DDRGK1: variants seen among roughly 807,000 people sequenced by gnomAD.
The protein encoded by DDRGK1 is DDRGK domain-containing protein 1.
Under a neutral mutation model 45.8 loss-of-function variants are expected in DDRGK1, and 38 were observed. The observed-to-expected ratio is 0.83, with a 90% CI of 0.64 to 1.09. The LOEUF is 1.09. DDRGK1 is among the 50% of genes least tolerant of loss of function. DDRGK1 has a pLI of 0.00. For synonymous variants in DDRGK1, 171 were observed against 168.7 expected (o/e 1.01, Z -0.11); for missense variants, 403 against 419.9 (o/e 0.96, Z 0.35).
chr20:3,199,821 T>C (rs573399422), intron 4 of DDRGK1, among the ~76,000 whole-genome samples, 180 bp downstream of exon 4: 4 of 152,326 alleles, frequency 2.6e-5, no homozygotes, highest in East Asian at 1.9e-4. Flanking sequence ...CTCCAGGCTC[T>C]GCTTTTCAGC....
chr20:3,201,105 G>A (rs34057184), intron 2 of DDRGK1, among the ~76,000 whole-genome samples: 4,866 of 150,334 alleles, frequency 0.032, 125 homozygotes, highest in East Asian at 0.12. Flanking sequence ...GTGAGACACT[G>A]TCTCAGGGGA....
At chr20:3,193,970 G>A (rs1945433614) in intron 6 of DDRGK1, among the ~76,000 whole-genome samples, 1 of 152,172 alleles carries the variant, frequency 6.6e-6, no homozygotes, top group Admixed American at 6.5e-5. Context: ...TGCCAGGGTA[G>A]AGAGAGGGCT....
intron 4 of DDRGK1, among the ~76,000 whole-genome samples, chr20:3,196,937 G>A (rs1293698756): frequency 2.0e-5 from 3 of 151,382 alleles, no homozygotes; most frequent in Admixed American, 2.0e-4. Context: ...TAAAAAAAAT[G>A]GCTGGTCGGG....
Position 3,191,385 on chromosome 20 carries a change from C to A in DDRGK1, c.730-147G>T, listed in dbSNP as rs556058240. ...ACTCTGTGCTTTGCCTTTGGAAGGGCCCTGGGTAGAAGGGGCTCTGGTCCT... is the reference window on the plus strand; with the variant it reads ...ACTCTGTGCTTTGCCTTTGGAAGGGACCTGGGTAGAAGGGGCTCTGGTCCT... On this transcript the variant is annotated intron_variant, in intron 7 of 8. Transcript: ENST00000354488. 10 of 896,932 alleles carry A rather than the reference C, an allele frequency of 1.1e-5. No individual in the cohort carries two copies. The East Asian group carries it at 2.1e-4, about 19-fold the overall frequency. The allele number at this position is 896,932 out of a possible 1,614,324, so 55.6% of individuals were successfully genotyped here. A position where few individuals can be genotyped will look rare whatever the true frequency, so the allele number is the denominator to read the frequency against.
rs374943300 is a variant in DDRGK1, at chr20:3,191,499, G to T, written c.730-261C>A. 1.2e-5 allele frequency: 8 copies of T among 683,418 alleles called. No individual in the cohort carries two copies. The East Asian group carries it at 1.9e-4, about 16-fold the overall frequency. 42.3% of individuals were successfully genotyped at this position (683,418 alleles called of 1,614,324 possible). A position where few individuals can be genotyped will look rare whatever the true frequency, so the allele number is the denominator to read the frequency against. On this transcript the variant is annotated intron_variant, in intron 7 of 8. Transcript: ENST00000354488. ...ACACAGGCTGGTGCAGTCTGTGCAT[G>T]AGAGTTGTCAAGGTAACTGATTTGG...
At chr20:3,200,832 T>C (rs574307286) in intron 2 of DDRGK1, among the ~76,000 whole-genome samples, 262 of 151,894 alleles carry the variant, frequency 1.7e-3, no homozygotes, top group South Asian at 0.011. Flanking sequence ...AAAAAAGGGC[T>C]GGGCACGGTG....
At chr20:3,193,953 T>A (rs2066999422) in intron 6 of DDRGK1, among the ~76,000 whole-genome samples, 1 of 152,060 alleles carries the variant, frequency 6.6e-6, no homozygotes. Context: ...CAGCCCCTAA[T>A]CAAGTGTGCC....
intron 5 of DDRGK1, 101 bp downstream of exon 5, chr20:3,195,130 T>A: frequency 3.2e-6 from 5 of 1,584,142 alleles, no homozygotes; most frequent in Non-Finnish European, 4.3e-6. Flanking sequence ...CACCTCTCAC[T>A]GCCTGGCCAG....
chr20:3,204,383 G>A (rs530566208), intron 1 of DDRGK1, among the ~76,000 whole-genome samples, 154 bp downstream of exon 1: 6 of 152,250 alleles, frequency 3.9e-5, no homozygotes, highest in South Asian at 2.1e-4. Flanking sequence ...AGGGCACTGC[G>A]GAAGCCCCAC....
At chr20:3,193,282 G>A (rs117594035) in intron 6 of DDRGK1, among the ~76,000 whole-genome samples, 1,875 of 152,370 alleles carry the variant, frequency 0.012, 13 homozygotes, top group Middle Eastern at 0.048. Context: ...GGAGCAAGGA[G>A]GAAAGCAGAC....
intron 4 of DDRGK1, among the ~76,000 whole-genome samples, chr20:3,196,976 A>G (rs2067013774): frequency 6.6e-6 from 1 of 151,974 alleles, no homozygotes; most frequent in South Asian, 2.1e-4. Flanking sequence ...TAATCCCACC[A>G]CTTTGGGAGG....
chr20:3,200,057 G>A lies in DDRGK1; in HGVS notation c.454C>T (p.Arg152Cys), dbSNP rs376165090. 122 of 1,613,866 alleles carry A rather than the reference G, an allele frequency of 7.6e-5. No homozygotes were observed. The highest frequency in any genetic ancestry group is 1.6e-4 in the Middle Eastern group (1 of 6,062). The change falls in exon 4 of 9, where the codon CGC becomes TGC. Residue 152 changes from arginine to cysteine, a missense_variant. Arg to Cys is a radical substitution (Grantham distance 180). Coordinates refer to ENST00000354488, the MANE Select transcript of DDRGK1 (RefSeq NM_023935.3). ...REERKRLESQ[R>C]EAEWKKEEER... is the part of the protein sequence containing the mutation. ...TCCTCCTTCTTCCACTCAGCTTCGC[G>A]CTGGGACTCGAGTCGTTTCCGCTCC...
At chr20:3,202,290 A>T (rs2067043750) in intron 2 of DDRGK1, among the ~76,000 whole-genome samples, 1 of 152,142 alleles carries the variant, frequency 6.6e-6, no homozygotes, top group South Asian at 2.1e-4. Context: ...TGCTGGTCTC[A>T]CCTAATGTAC....
At chr20:3,197,533 T>C (rs2067016791) in intron 4 of DDRGK1, among the ~76,000 whole-genome samples, 1 of 152,238 alleles carries the variant, frequency 6.6e-6, no homozygotes, top group African/African-American at 2.4e-5. Context: ...ACTTCACTTA[T>C]TGTCTTCTTC....
chr20:3,190,874 C>T lies in DDRGK1; in HGVS notation c.779-55G>A. 3.2e-6 allele frequency: 5 copies of T among 1,547,876 alleles called. No individual in the cohort carries two copies. The Middle Eastern group carries it at 5.2e-4, about 161-fold the overall frequency. On this transcript the variant is annotated intron_variant, in intron 8 of 8. Transcript: ENST00000354488. Reference sequence around the variant, plus strand: ...GGCCTCCTGGGCGTTCCCCATCTGGCCTGAGAATGCCCACCTACTCCTTCA... The same window carrying T: ...GGCCTCCTGGGCGTTCCCCATCTGGTCTGAGAATGCCCACCTACTCCTTCA...
intron 6 of DDRGK1, among the ~76,000 whole-genome samples, chr20:3,192,481 GC>G (rs1458663247): frequency 1.3e-5 from 2 of 152,144 alleles, no homozygotes; most frequent in African/African-American, 4.8e-5. Context: ...GCCTTCGCTG[GC>G]CGCCCCACTG....
At chr20:3,203,929 AACCCGCCCGCTG>A (rs1389125498) in intron 1 of DDRGK1, among the ~76,000 whole-genome samples, 3 of 152,170 alleles carry the variant, frequency 2.0e-5, no homozygotes, top group African/African-American at 7.2e-5. Flanking sequence ...CACATATACA[AACCCGCCCGCTG>A]ACCAGAAATG....
In DDRGK1 at chr20:3,196,733, A is replaced by G. The variant is rs994351689; in HGVS notation, c.511-1380T>C. Among the ~76,000 whole-genome samples the G allele has an allele frequency of 2.6e-5, 4 of 152,040 alleles. No individual in the cohort carries two copies. The East Asian group carries it at 7.7e-4, about 29-fold the overall frequency. ...AAAGCTGAGGCAAGTAATATACAAG[A>G]TGAGTCTGGGGCATCTTGCAGTGCC... is the stretch of plus-strand genomic sequence containing the variant. On this transcript the variant is annotated intron_variant, in intron 4 of 8. Coordinates refer to ENST00000354488, the MANE Select transcript of DDRGK1 (RefSeq NM_023935.3).
Position 3,195,122 on chromosome 20 carries a change from C to T in DDRGK1, c.633+109G>A, listed in dbSNP as rs546259475. 2.8e-4 allele frequency: 433 copies of T among 1,566,962 alleles called. 3 individuals carry two copies. The African/African-American group carries it at 5.1e-3, about 19-fold the overall frequency. ...GCCTGCTGGTACTGATGCCCACCCACCTCTCACTGCCTGGCCAGGGGCGTC... is the reference window on the plus strand; with the variant it reads ...GCCTGCTGGTACTGATGCCCACCCATCTCTCACTGCCTGGCCAGGGGCGTC... On this transcript the variant is annotated intron_variant, in intron 5 of 8. Coordinates refer to ENST00000354488, the MANE Select transcript of DDRGK1 (RefSeq NM_023935.3).
Sources: allele counts gnomAD v4.1 joint callset (sites outside exome capture counted in the v4.1 genomes callset), GRCh38; gene constraint gnomAD v4.1.1; transcripts MANE v1.5; gene names NCBI Gene and HGNC (gene_info 2026-07-23, HGNC 2026-07-21).